CDH18: variants seen among roughly 807,000 people sequenced by gnomAD.
The protein encoded by CDH18 is cadherin-18.
A neutral mutation model predicts 67.9 loss-of-function variants in CDH18; 31 were observed. The observed-to-expected ratio is 0.46, with a 90% CI of 0.34 to 0.62. CDH18 has a LOEUF of 0.62. Ranked by LOEUF, CDH18 falls within the 20% of genes least tolerant of loss-of-function variation. The pLI, the probability that CDH18 is intolerant of heterozygous loss-of-function variation, is 0.01. For missense variants in CDH18, 890 were observed against 975.5 expected, an observed-to-expected ratio of 0.91 and a Z score of 1.17; for synonymous variants, 362 against 347.2, an observed-to-expected ratio of 1.04 and a Z score of -0.48.
intron 1 of CDH18, among the ~76,000 whole-genome samples, chr5:20,279,859 G>C (rs868852194): frequency 2.1e-4 from 32 of 152,000 alleles, no homozygotes; most frequent in African/African-American, 7.2e-4. Context: ...CTGCACTATA[G>C]ACTAAGTGGA....
chr5:19,656,622 T>A (rs781478271), intron 5 of CDH18, among the ~76,000 whole-genome samples: 17 of 152,112 alleles, frequency 1.1e-4, no homozygotes, highest in Non-Finnish European at 1.5e-4. Flanking sequence ...GACCAAAAGT[T>A]GCACTTTTGG....
chr5:20,458,179 A>G (rs180807138), intron 1 of CDH18, among the ~76,000 whole-genome samples: 2 of 152,252 alleles, frequency 1.3e-5, no homozygotes, highest in Non-Finnish European at 2.9e-5. Context: ...ATGAAGGGCC[A>G]CAGTCATAGC....
intron 5 of CDH18, 72 bp from the exon 6 acceptor site, chr5:19,612,673 T>C: frequency 8.9e-7 from 1 of 1,117,766 alleles, no homozygotes; most frequent in Non-Finnish European, 1.3e-6. Context: ...TACACATACA[T>C]ATTTTAAGAA....
chr5:20,358,569 T>C lies in CDH18; in HGVS notation c.-579-103064A>G, dbSNP rs150411171. On this transcript the variant is annotated intron_variant, in intron 1 of 14. Transcript: ENST00000507958. ...AATATGCATAAATATGTGTAATATT[T>C]GACCAGGCAATACCACTTACAGGGT... is the stretch of plus-strand genomic sequence containing the variant. Among the ~76,000 whole-genome samples the C allele has an allele frequency of 1.2e-4, 18 of 152,308 alleles. No individual in the cohort carries two copies. In the East Asian group the frequency reaches 3.5e-3, roughly 29 times the overall value.
chr5:20,333,003 GA>G (rs1367523668), intron 1 of CDH18, among the ~76,000 whole-genome samples: 2 of 152,042 alleles, frequency 1.3e-5, no homozygotes, highest in Non-Finnish European at 2.9e-5. Context: ...CACAGACATG[GA>G]GAGAACATGC....
At position 19,472,848 on chromosome 5, in the gene CDH18, C is replaced by T. The variant is rs1051272126; in HGVS notation, c.*378G>A. The T allele has an allele frequency of 5.5e-6, 1 of 180,752 alleles. No homozygotes were observed. The highest frequency in any genetic ancestry group is 1.2e-5 in the Non-Finnish European group (1 of 84,408). 11.2% of individuals were successfully genotyped at this position (180,752 alleles called of 1,614,324 possible). A position where few individuals can be genotyped will look rare whatever the true frequency, so the allele number is the denominator to read the frequency against. ...TATTAGTGTTACCACCCCTATAAGT[C>T]ATAACCACCAGTGATCTTGAGCCTT... On this transcript the variant is annotated 3_prime_UTR_variant, in exon 13 of 13. Coordinates refer to ENST00000382275, the MANE Select transcript of CDH18 (RefSeq NM_004934.5).
chr5:20,033,747 A>C (rs1739603436), intron 2 of CDH18, among the ~76,000 whole-genome samples: 1 of 152,042 alleles, frequency 6.6e-6, no homozygotes, highest in African/African-American at 2.4e-5. Flanking sequence ...ACATATAAAA[A>C]CTAATCTAGT....
intron 1 of CDH18, among the ~76,000 whole-genome samples, chr5:20,549,344 T>C (rs191748393): frequency 6.6e-6 from 1 of 152,248 alleles, no homozygotes; most frequent in East Asian, 1.9e-4. Context: ...ATAGGTAAAA[T>C]ACAGTTTGCA....
At chr5:19,877,949 G>A (rs556171999) in intron 2 of CDH18, 1 of 152,146 alleles carries the variant, frequency 6.6e-6, no homozygotes, top group East Asian at 1.9e-4. Context: ...TAGGTGCTCA[G>A]TAAAACTAGG....
intron 2 of CDH18, among the ~76,000 whole-genome samples, chr5:19,892,269 C>A (rs775069771): frequency 1.3e-5 from 2 of 152,000 alleles, no homozygotes; most frequent in Non-Finnish European, 2.9e-5. Flanking sequence ...AGTGCTCTAG[C>A]TAATGTTAGT....
At chr5:19,904,607 A>G (rs962286870) in intron 2 of CDH18, among the ~76,000 whole-genome samples, 19 of 152,188 alleles carry the variant, frequency 1.2e-4, no homozygotes, top group East Asian at 3.9e-4. Context: ...TCTGTGTCTA[A>G]CTGCGGCTCT....
intron 4 of CDH18, among the ~76,000 whole-genome samples, chr5:19,726,348 G>A (rs1020465710): frequency 3.9e-5 from 6 of 152,164 alleles, no homozygotes; most frequent in Admixed American, 1.3e-4. Context: ...ATACATTTCT[G>A]CACAGGAAGT....
At chr5:19,797,666 C>A (rs1777000195) in intron 3 of CDH18, among the ~76,000 whole-genome samples, 1 of 151,894 alleles carries the variant, frequency 6.6e-6, no homozygotes, top group African/African-American at 2.4e-5. Context: ...TTACAAAATA[C>A]TAATGAAAGA....
chr5:19,978,813 T>G (rs1453699831), intron 2 of CDH18, among the ~76,000 whole-genome samples: 1 of 146,158 alleles, frequency 6.8e-6, no homozygotes, highest in Admixed American at 7.2e-5. Context: ...GCCTTGGGAT[T>G]ACATTGGACG....
intron 7 of CDH18, among the ~76,000 whole-genome samples, chr5:19,572,056 T>C (rs1741516193): frequency 6.6e-6 from 1 of 152,188 alleles, no homozygotes; most frequent in African/African-American, 2.4e-5. Flanking sequence ...CAATAATATG[T>C]ATTTGGTGTT....
chr5:20,213,576 G>A lies in CDH18; in HGVS notation c.-518+41868C>T, dbSNP rs150787595. Among the ~76,000 whole-genome samples, 662 of 152,064 alleles carry A rather than the reference G, an allele frequency of 4.4e-3. 4 individuals carry two copies. The highest frequency in any genetic ancestry group is 6.3e-3 in the Non-Finnish European group (429 of 67,970). ...AGAGCTCATTATTGGTTTGTTCAGG[G>A]TTTCAATTTCTTCCTGGTTCAGTCT... On this transcript the variant is annotated intron_variant, in intron 2 of 14. Transcript: ENST00000507958.
chr5:19,810,603 A>C (rs1204443299), intron 3 of CDH18, among the ~76,000 whole-genome samples: 1 of 151,960 alleles, frequency 6.6e-6, no homozygotes, highest in African/African-American at 2.4e-5. Flanking sequence ...TTAAGTAAAT[A>C]TATTTGATTA....
chr5:20,031,491 A>G (rs995096765), intron 2 of CDH18, among the ~76,000 whole-genome samples: 2 of 151,966 alleles, frequency 1.3e-5, no homozygotes, highest in Non-Finnish European at 2.9e-5. Context: ...TTGGCAAACT[A>G]CCTCACTTAC....
intron 5 of CDH18, among the ~76,000 whole-genome samples, chr5:19,660,083 C>T (rs528564295): frequency 6.6e-6 from 1 of 152,188 alleles, no homozygotes; most frequent in Non-Finnish European, 1.5e-5. Context: ...AATTTCTAAG[C>T]ATTTAAGCCA....
Sources: gnomAD v4.1 joint callset for allele counts (sites outside exome capture counted in the v4.1 genomes callset) on GRCh38, gnomAD v4.1.1 for gene constraint, MANE v1.5 for transcripts, NCBI Gene and HGNC (gene_info 2026-07-23, HGNC 2026-07-21) for gene names.